The following CDC42BPB variants were observed in gnomAD, a reference collection of about 807,000 sequenced individuals.
The protein encoded by CDC42BPB is serine/threonine-protein kinase MRCK beta.
In CDC42BPB, 37 loss-of-function variants were observed where a neutral mutation model predicts 214.9. The observed-to-expected ratio is 0.17, with a 90% CI of 0.13 to 0.23. CDC42BPB has a LOEUF of 0.23. Among genes scored for constraint, CDC42BPB ranks in the 10% least tolerant of loss-of-function variants. CDC42BPB has a pLI of 1.00. For missense variants in CDC42BPB, 1,694 were observed against 2,227.0 expected (o/e 0.76, Z 4.82); for synonymous variants, 931 against 884.0 (o/e 1.05, Z -0.94).
intron 7 of CDC42BPB, 42 bp from the exon 8 acceptor site, chr14:102,981,063 T>C (rs755197770): frequency 9.3e-6 from 15 of 1,612,574 alleles, no homozygotes; most frequent in African/African-American, 4.0e-5. Context: ...GGTGGACGCA[T>C]TCAGAGAGTT....
chr14:102,997,634 T>G (rs1322469808), intron 5 of CDC42BPB, among the ~76,000 whole-genome samples: 1 of 152,168 alleles, frequency 6.6e-6, no homozygotes, highest in Non-Finnish European at 1.5e-5. Flanking sequence ...GTACGGAGCT[T>G]CATAACGTGG....
At chr14:103,049,126 T>C (rs1888463699) in intron 1 of CDC42BPB, among the ~76,000 whole-genome samples, 1 of 152,038 alleles carries the variant, frequency 6.6e-6, no homozygotes, top group Non-Finnish European at 1.5e-5. Context: ...TGTAGAACAG[T>C]TCTAAGGCCT....
chr14:102,954,915 G>T, intron 21 of CDC42BPB: 2 of 536,148 alleles, frequency 3.7e-6, no homozygotes, highest in African/African-American at 2.0e-5. Context: ...CCTCAGCTGA[G>T]TGGTGATTGC....
intron 13 of CDC42BPB, among the ~76,000 whole-genome samples, chr14:102,971,658 C>A (rs1288712661): frequency 6.6e-6 from 1 of 152,246 alleles, no homozygotes; most frequent in Non-Finnish European, 1.5e-5. Context: ...ATAAGCCAGG[C>A]TGCATCACAG....
chr14:102,939,998 C>T (rs748911420), intron 32 of CDC42BPB, 48 bp downstream of exon 32: 1 of 1,613,796 alleles, frequency 6.2e-7, no homozygotes, highest in South Asian at 1.1e-5. Flanking sequence ...GGGACACACG[C>T]CCCTCCAACT....
chr14:102,945,361 C>G (rs1466227783), intron 29 of CDC42BPB: 1 of 514,254 alleles, frequency 1.9e-6, no homozygotes, highest in Admixed American at 2.3e-5. Flanking sequence ...GAAACTAAAG[C>G]TTCTCAAGTG....
intron 12 of CDC42BPB, among the ~76,000 whole-genome samples, chr14:102,973,196 C>T (rs1893565353): frequency 1.3e-5 from 2 of 152,172 alleles, no homozygotes. Context: ...GGTACTATGA[C>T]CCTGTCAAGC....
intron 26 of CDC42BPB, among the ~76,000 whole-genome samples, chr14:102,949,085 C>G (rs1015503389): frequency 6.6e-6 from 1 of 152,196 alleles, no homozygotes; most frequent in African/African-American, 2.4e-5. Context: ...TGCACGGGCA[C>G]AGCACAGAGA....
intron 7 of CDC42BPB, among the ~76,000 whole-genome samples, chr14:102,981,435 T>TGCAG (rs1333554540): frequency 6.6e-5 from 10 of 152,330 alleles, no homozygotes; most frequent in African/African-American, 2.4e-4. Flanking sequence ...CACTGTATTT[T>TGCAG]GACCAAGAAA....
At chr14:103,019,130 TG>T (rs1886629180) in intron 1 of CDC42BPB, among the ~76,000 whole-genome samples, 1 of 152,066 alleles carries the variant, frequency 6.6e-6, no homozygotes, top group Non-Finnish European at 1.5e-5. Context: ...GACGGGGTCT[TG>T]CTGTATTGTC....
chr14:102,962,717 G>A (rs1023057947), intron 20 of CDC42BPB, among the ~76,000 whole-genome samples: 8 of 152,186 alleles, frequency 5.3e-5, no homozygotes, highest in Non-Finnish European at 1.5e-5. Flanking sequence ...AGGGGTGGTG[G>A]TGGTGTGCAC....
intron 2 of CDC42BPB, 86 bp from the exon 3 acceptor site, chr14:103,008,641 C>G: frequency 6.4e-7 from 1 of 1,561,538 alleles, no homozygotes; most frequent in Non-Finnish European, 8.7e-7. Flanking sequence ...GAAATCCTAA[C>G]AGCCCAGGAG....
chr14:102,941,273 TG>T (rs1292287981), intron 30 of CDC42BPB: 1 of 985,472 alleles, frequency 1.0e-6, no homozygotes, highest in African/African-American at 1.7e-5. Flanking sequence ...CTGGCTCTTC[TG>T]CCTCCGGAGT....
At chr14:103,030,263 C>A (rs1196672440) in intron 1 of CDC42BPB, among the ~76,000 whole-genome samples, 3 of 152,226 alleles carry the variant, frequency 2.0e-5, no homozygotes, top group Admixed American at 2.0e-4. Context: ...GGAAATGGTA[C>A]CTCTTTTTAA....
chr14:102,954,675 C>G lies in CDC42BPB; in HGVS notation c.2915G>C (p.Ser972Thr). The change falls in exon 22 of 37, where the codon AGT becomes ACT. Residue 972 changes from serine (S) to threonine (T), a missense_variant. Physicochemically the swap from Ser to Thr is moderately conservative, Grantham distance 58. Around this residue, in one of 7 missense-constraint regions of CDC42BPB, gnomAD observed 156 missense variants for 154.5 expected, o/e 1.01. Transcript: ENST00000361246. ...HDLTFRTSSA[S>T]EQETQAPKPE... is the part of the protein sequence containing the mutation. ...CTTCGGAGCTTGTGTTTCTTGCTCA[C>G]TAGCTGAGCTGGTCTGTGAGAACCA... The G allele has an allele frequency of 3.1e-6, 5 of 1,613,606 alleles. No homozygotes were observed. Among genetic ancestry groups the G allele is most frequent in the Non-Finnish European group, 4.2e-6 (5 of 1,179,650 alleles).
At position 102,997,583 on chromosome 14, in the gene CDC42BPB, C is replaced by T. The variant is rs959914943; in HGVS notation, c.596+1982G>A. ...AGGAGGGGAACGATGGAAGGGACAG[C>T]GCCAAGGAAAACCAGATCGAGACTA... On this transcript the variant is annotated intron_variant, in intron 5 of 36. Transcript: ENST00000361246. Among the ~76,000 whole-genome samples, 8 of 152,080 alleles carry T rather than the reference C, an allele frequency of 5.3e-5. No homozygotes were observed. The South Asian group carries it at 6.2e-4, about 12-fold the overall frequency.
intron 4 of CDC42BPB, among the ~76,000 whole-genome samples, chr14:103,002,447 G>C (rs150684959): frequency 1.3e-5 from 2 of 152,314 alleles, no homozygotes; most frequent in Non-Finnish European, 2.9e-5. Flanking sequence ...AGCACGCTAT[G>C]CTAATTTAAA....
intron 1 of CDC42BPB, among the ~76,000 whole-genome samples, chr14:103,044,234 T>C (rs1322253443): frequency 1.3e-5 from 2 of 152,120 alleles, no homozygotes; most frequent in East Asian, 3.8e-4. Context: ...AAATTATTAT[T>C]ATTACTTTTT....
intron 5 of CDC42BPB, among the ~76,000 whole-genome samples, chr14:102,998,868 A>AC (rs36234097): frequency 6.6e-6 from 1 of 152,066 alleles, no homozygotes; most frequent in Non-Finnish European, 1.5e-5. Context: ...AGGACAGAGG[A>AC]CCCTGAGCCC....
Sources: allele counts gnomAD v4.1 joint callset (sites outside exome capture counted in the v4.1 genomes callset), GRCh38; gene constraint gnomAD v4.1.1; regional missense constraint gnomAD v4.1.1; transcripts MANE v1.5; gene names NCBI Gene and HGNC (gene_info 2026-07-23, HGNC 2026-07-21).